Variants in SLC4A4 observed in about 807,000 individuals in gnomAD.
SLC4A4 encodes solute carrier family 4 member 4, also known as electrogenic sodium bicarbonate cotransporter 1.
Under a neutral mutation model 111.5 loss-of-function variants are expected in SLC4A4, and 27 were observed. That is an observed-to-expected ratio of 0.24 (90% CI 0.18 to 0.33). The LOEUF is 0.33. Among genes scored for constraint, SLC4A4 ranks in the 10% least tolerant of loss-of-function variants. The pLI is 1.00. For missense variants in SLC4A4, 909 were observed against 1,315.5 expected (o/e 0.69, Z 4.78); for synonymous variants, 443 against 463.4 (o/e 0.96, Z 0.57).
chr4:71,556,173 G>C (rs954181126), intron 21 of SLC4A4, among the ~76,000 whole-genome samples: 2 of 151,974 alleles, frequency 1.3e-5, no homozygotes, highest in Middle Eastern at 6.8e-3. Flanking sequence ...AAGAGAAAAG[G>C]CTACTTTACT....
intron 7 of SLC4A4, among the ~76,000 whole-genome samples, chr4:71,427,316 T>A (rs1472252534): frequency 2.0e-5 from 3 of 152,114 alleles, no homozygotes; most frequent in Non-Finnish European, 4.4e-5. Flanking sequence ...AATGCATGTT[T>A]GCAGCTTCAT....
intron 3 of SLC4A4, among the ~76,000 whole-genome samples, chr4:71,306,868 G>T (rs149481382): frequency 4.7e-4 from 72 of 152,192 alleles, no homozygotes; most frequent in African/African-American, 1.7e-3. Flanking sequence ...GCCTGCTCTT[G>T]CTTTAAAGAA....
At chr4:71,339,240 G>T (rs1304486138) in intron 3 of SLC4A4, 130 bp from the exon 4 acceptor site, 2 of 1,614,178 alleles carry the variant, frequency 1.2e-6, no homozygotes, top group South Asian at 1.1e-5. Context: ...GGGAGGCTTA[G>T]CAGGAAAGAT....
At chr4:71,437,774 C>A in intron 7 of SLC4A4, 1 of 271,274 alleles carries the variant, frequency 3.7e-6, no homozygotes, top group Non-Finnish European at 7.3e-6. Flanking sequence ...TTGACAGTCA[C>A]CATCTTGGAA....
intron 2 of SLC4A4, among the ~76,000 whole-genome samples, chr4:71,160,590 T>C (rs554870071): frequency 6.6e-6 from 1 of 151,194 alleles, no homozygotes; most frequent in South Asian, 2.1e-4. Flanking sequence ...GGGGCGGTAA[T>C]ATGGAGTTGA....
At chr4:71,097,416 A>G (rs114064860) in intron 2 of SLC4A4, among the ~76,000 whole-genome samples, 2,126 of 152,204 alleles carry the variant, frequency 0.014, 64 homozygotes, top group African/African-American at 0.048. Context: ...TTCTTTACCC[A>G]TCTGTCACTG....
intron 2 of SLC4A4, among the ~76,000 whole-genome samples, chr4:71,172,162 GA>G (rs1744961899): frequency 6.6e-6 from 1 of 152,050 alleles, no homozygotes; most frequent in Admixed American, 6.6e-5. Flanking sequence ...AGCTTGAGAG[GA>G]AAGGAGTTTA....
intron 13 of SLC4A4, 112 bp from the exon 14 acceptor site, chr4:71,472,587 C>A: frequency 9.0e-7 from 1 of 1,107,150 alleles, no homozygotes; most frequent in Non-Finnish European, 1.3e-6. Flanking sequence ...CATTTAGTGG[C>A]TAAAGGTGAT....
intron 8 of SLC4A4, among the ~76,000 whole-genome samples, chr4:71,443,116 CTATATATATATA>C (rs1168996571): frequency 3.5e-4 from 23 of 65,656 alleles, no homozygotes; most frequent in Middle Eastern, 9.3e-3. Context: ...CTCTCTCTCT[CTATATATATATA>C]TATATATATA....
rs757206401 is a variant in SLC4A4 at position 71,532,190 on chromosome 4, A to C, written c.2280+15A>C. The C allele has an allele frequency of 7.2e-7, 1 of 1,382,232 alleles. No individual in the cohort carries two copies. The highest frequency in any genetic ancestry group is 1.4e-5 in the African/African-American group (1 of 70,158). The allele number at this position is 1,382,232 out of a possible 1,614,324, so 85.6% of individuals were successfully genotyped here. On this transcript the variant is annotated intron_variant, in intron 17 of 25. Transcript: ENST00000264485. ...GTGAGTTCAAGGTAGGTGAATGTCT[A>C]TCTTTTGGTCATTCCTGGAACTCTT...
At chr4:71,563,550 C>G (rs1209325882) in intron 23 of SLC4A4, among the ~76,000 whole-genome samples, 1 of 151,668 alleles carries the variant, frequency 6.6e-6, no homozygotes, top group Non-Finnish European at 1.5e-5. Context: ...AGTTGTAGAT[C>G]GATCTCTATT....
chr4:71,464,032 A>G (rs774446699), intron 12 of SLC4A4, among the ~76,000 whole-genome samples: 3 of 152,164 alleles, frequency 2.0e-5, no homozygotes, highest in African/African-American at 4.8e-5. Flanking sequence ...TGCCTATCAC[A>G]TGCACCCAGA....
chr4:71,559,387 G>A (rs1736754320), intron 22 of SLC4A4, among the ~76,000 whole-genome samples: 1 of 151,792 alleles, frequency 6.6e-6, no homozygotes, highest in Admixed American at 6.6e-5. Context: ...TCAGTTATCT[G>A]GGTTCATCTC....
At position 71,453,580 on chromosome 4, in the gene SLC4A4, C is replaced by T. The variant is rs1725957925; in HGVS notation, c.1408C>T (p.Leu470Phe). 1.2e-6 allele frequency: 2 copies of T among 1,613,972 alleles called. No individual in the cohort carries two copies. Among genetic ancestry groups the T allele is most frequent in the Admixed American group, 1.7e-5 (1 of 59,996 alleles). Residue 470 changes from leucine (L) to phenylalanine (F), a missense_variant, in exon 12 of 26, where the codon CTT (leucine) becomes TTT (phenylalanine). Transcript: ENST00000264485. ...TTATGATGCTTTAAATATTCAAGCT[C>T]TTTCGGCAATTCTCTTCATTTATCT... ...DFYDALNIQA[L>F]SAILFIYLAT...
At chr4:71,295,949 C>T (rs1176352362) in intron 3 of SLC4A4, among the ~76,000 whole-genome samples, 4 of 151,740 alleles carry the variant, frequency 2.6e-5, no homozygotes, top group East Asian at 3.9e-4. Context: ...CATGAACCAC[C>T]GTGCCTGGCC....
chr4:71,397,540 A>G (rs777419937), intron 6 of SLC4A4, 37 bp from the exon 7 acceptor site: 21 of 1,547,792 alleles, frequency 1.4e-5, no homozygotes, highest in South Asian at 2.2e-5. Context: ...GTTATTGAAA[A>G]GAAGTCTTTA....
chr4:71,369,586 A>T (rs2148930811), intron 6 of SLC4A4, among the ~76,000 whole-genome samples: 1 of 152,276 alleles, frequency 6.6e-6, no homozygotes, highest in East Asian at 1.9e-4. Context: ...TAAGTTAATA[A>T]TGTTAAATAC....
intron 16 of SLC4A4, among the ~76,000 whole-genome samples, chr4:71,518,133 T>C (rs1374123823): frequency 1.3e-5 from 2 of 151,766 alleles, no homozygotes; most frequent in Non-Finnish European, 2.9e-5. Flanking sequence ...GGTGTAGAGT[T>C]TGGGATCATA....
At chr4:71,294,576 C>A (rs2602056) in intron 3 of SLC4A4, among the ~76,000 whole-genome samples, 3 of 152,086 alleles carry the variant, frequency 2.0e-5, no homozygotes, top group Non-Finnish European at 4.4e-5. Flanking sequence ...AGAGCATTCC[C>A]GAACTCATGA....
Sources: gnomAD v4.1 joint callset for allele counts (sites outside exome capture counted in the v4.1 genomes callset) on GRCh38, gnomAD v4.1.1 for gene constraint, MANE v1.5 for transcripts, NCBI Gene and HGNC (gene_info 2026-07-23, HGNC 2026-07-21) for gene names.